TEX29: variants seen among roughly 807,000 people sequenced by gnomAD.
TEX29 encodes the protein testis-expressed protein 29.
A neutral mutation model predicts 18.2 loss-of-function variants in TEX29; 26 were observed. That is an observed-to-expected ratio of 1.43 (90% CI 1.04 to 1.98). The LOEUF is 1.98. Among genes scored for constraint, TEX29 ranks in the 30% most tolerant of loss-of-function variants. The pLI, the probability that TEX29 is intolerant of heterozygous loss-of-function variation, is 0.00. For missense variants in TEX29, 177 were observed against 194.2 expected (o/e 0.91, Z 0.53); for synonymous variants, 83 against 78.5 (o/e 1.06, Z -0.31).
At chr13:111,340,088 C>G (rs553227303) in intron 4 of TEX29, among the ~76,000 whole-genome samples, 156 bp downstream of exon 4, 3 of 152,262 alleles carry the variant, frequency 2.0e-5, no homozygotes, top group Admixed American at 1.3e-4. Flanking sequence ...TGGCCAGGCT[C>G]ACGGAGGGCC....
chr13:111,323,412 C>T (rs1012499778), intron 2 of TEX29, among the ~76,000 whole-genome samples: 3 of 152,236 alleles, frequency 2.0e-5, no homozygotes, highest in Admixed American at 1.3e-4. Flanking sequence ...GATACAGCCT[C>T]GGCTGCTGCC....
chr13:111,323,835 C>T (rs2093668628), intron 2 of TEX29, among the ~76,000 whole-genome samples: 1 of 152,234 alleles, frequency 6.6e-6, no homozygotes, highest in Non-Finnish European at 1.5e-5. Flanking sequence ...CTCCCTGAAC[C>T]TGCTGTGATC....
chr13:111,317,671 C>T (rs2093656824), upstream of TEX29, among the ~76,000 whole-genome samples: 1 of 152,224 alleles, frequency 6.6e-6, no homozygotes, highest in African/African-American at 2.4e-5. Flanking sequence ...ACAGCAGCAC[C>T]GACATGGCGC....
intron 3 of TEX29, among the ~76,000 whole-genome samples, chr13:111,334,779 G>T (rs1041151802): frequency 3.3e-5 from 5 of 152,232 alleles, no homozygotes; most frequent in Non-Finnish European, 7.3e-5. Context: ...AATGAGCTCA[G>T]ATCAAATAAA....
At chr13:111,343,720 C>T (rs78324141) in intron 5 of TEX29, among the ~76,000 whole-genome samples, 5 of 152,262 alleles carry the variant, frequency 3.3e-5, no homozygotes, top group Non-Finnish European at 5.9e-5. Flanking sequence ...CTTGGCTTTA[C>T]AGGGACCATC....
At position 111,344,206 on chromosome 13, in the gene TEX29, A is replaced by G. The variant is rs1039016086; in HGVS notation, c.*83A>G. On this transcript the variant is annotated 3_prime_UTR_variant, in exon 6 of 6. Coordinates refer to ENST00000283547, the MANE Select transcript of TEX29 (RefSeq NM_152324.3). Reference sequence around the variant, plus strand: ...GGTGCACTGTTAACAGTGTGATGGAATGACCACCCAAAGAGAAAAAAATAA... The same window carrying G: ...GGTGCACTGTTAACAGTGTGATGGAGTGACCACCCAAAGAGAAAAAAATAA... The G allele has an allele frequency of 5.3e-6, 6 of 1,138,494 alleles. No individual in the cohort carries two copies. The African/African-American group carries it at 7.8e-5, about 15-fold the overall frequency. The allele number at this position is 1,138,494 out of a possible 1,614,324, so 70.5% of individuals were successfully genotyped here.
chr13:111,344,053 A>T lies in TEX29; in HGVS notation c.416-30A>T, dbSNP rs762650326. ...CGGGACTGCTGAATATTCCATTTGA[A>T]AAAACAATTCTTCTTTTCTAAAAAT... is the stretch of plus-strand genomic sequence containing the variant. On this transcript the variant is annotated intron_variant, in intron 5 of 5. Coordinates refer to ENST00000283547, the MANE Select transcript of TEX29 (RefSeq NM_152324.3). The T allele has an allele frequency of 3.1e-6, 5 of 1,593,118 alleles. No individual in the cohort carries two copies. The East Asian group carries it at 1.1e-4, about 36-fold the overall frequency.
intron 1 of TEX29, 42 bp from the exon 2 acceptor site, chr13:111,320,815 G>A (rs767463670): frequency 2.3e-5 from 37 of 1,596,400 alleles, no homozygotes; most frequent in African/African-American, 2.7e-5. Flanking sequence ...CCCAAACGAC[G>A]TCCCCAGGGC....
At position 111,320,680 on chromosome 13, in the gene TEX29, T is replaced by G; in HGVS notation, c.-117T>G. The G allele has an allele frequency of 1.6e-6, 1 of 621,000 alleles. No individual in the cohort carries two copies. 38.5% of individuals were successfully genotyped at this position (621,000 alleles called of 1,614,324 possible). On this transcript the variant is annotated 5_prime_UTR_variant, in exon 1 of 6. Coordinates refer to ENST00000283547, the MANE Select transcript of TEX29 (RefSeq NM_152324.3). ...GACAGAGGGGTGGCCAGTTTGTTGTTTTACCTAAAAGGTGTTTTCCACGTG... is the reference window on the plus strand; with the variant it reads ...GACAGAGGGGTGGCCAGTTTGTTGTGTTACCTAAAAGGTGTTTTCCACGTG...
rs1235750432 is a variant in TEX29 at position 111,342,898 on chromosome 13, C to T, written c.382C>T (p.Pro128Ser). The change falls in exon 5 of 6, where the codon CCC (proline) becomes TCC (serine). Residue 128 changes from proline (P) to serine (S), a missense_variant. Coordinates refer to ENST00000283547, the MANE Select transcript of TEX29 (RefSeq NM_152324.3). ...GAGTCCTGGGCCTCCAAGTGCTGGG[C>T]CCTCGATGAAGAGTGACGAGGATAA... ...PASPGPPSAG[P>S]SMKSDEDKDD... The T allele has an allele frequency of 5.0e-6, 8 of 1,614,144 alleles. No individual in the cohort carries two copies. In the East Asian group the frequency reaches 6.7e-5, roughly 13 times the overall value.
intron 3 of TEX29, chr13:111,339,362 G>C (rs1567164430): frequency 6.6e-6 from 3 of 455,088 alleles, no homozygotes; most frequent in Non-Finnish European, 4.4e-6. Flanking sequence ...AGCAGGAACA[G>C]AGGGGCCAGC....
chr13:111,320,143 C>T (rs910484071), upstream of TEX29, among the ~76,000 whole-genome samples: 4 of 152,252 alleles, frequency 2.6e-5, no homozygotes, highest in African/African-American at 9.6e-5. Flanking sequence ...TGGAGGCCGC[C>T]TGCCCACCCT....
chr13:111,325,601 G>C (rs1408835555), intron 2 of TEX29, among the ~76,000 whole-genome samples: 2 of 152,156 alleles, frequency 1.3e-5, no homozygotes, highest in East Asian at 3.9e-4. Context: ...GGAGGGCCGG[G>C]CTAGGAATGG....
upstream of TEX29, among the ~76,000 whole-genome samples, chr13:111,319,193 G>A (rs1463789678): frequency 6.6e-5 from 10 of 152,272 alleles, no homozygotes; most frequent in Non-Finnish European, 1.0e-4. Context: ...TCTTCCCAGC[G>A]TGTGACCCGG....
At chr13:111,332,395 G>T (rs1398191840) in intron 3 of TEX29, among the ~76,000 whole-genome samples, 2 of 151,904 alleles carry the variant, frequency 1.3e-5, no homozygotes, top group African/African-American at 4.8e-5. Flanking sequence ...CTTGTATCTG[G>T]CAACCTTGTT....
Position 111,320,735 on chromosome 13 carries a change from G to A in TEX29, c.-62G>A, listed in dbSNP as rs1242936856. The A allele has an allele frequency of 3.6e-6, 3 of 843,396 alleles. No individual in the cohort carries two copies. The highest frequency in any genetic ancestry group is 6.0e-6 in the Non-Finnish European group (3 of 499,258). The allele number at this position is 843,396 out of a possible 1,614,324, so 52.2% of individuals were successfully genotyped here. The stretch of plus-strand genomic sequence containing the variant: ...GGGACTGAGAGGCACAGGTGGCTGA[G>A]GGGACCCGCCTGGGATGTGAGGCGC... On this transcript the variant is annotated 5_prime_UTR_variant, in exon 1 of 6. Transcript: ENST00000283547.
At chr13:111,335,523 A>T (rs1224967412) in intron 3 of TEX29, among the ~76,000 whole-genome samples, 1 of 152,180 alleles carries the variant, frequency 6.6e-6, no homozygotes, top group Non-Finnish European at 1.5e-5. Flanking sequence ...TTGTTGTGTG[A>T]AATTGAGGTT....
intron 2 of TEX29, among the ~76,000 whole-genome samples, chr13:111,326,867 C>A (rs1190692088): frequency 6.6e-6 from 1 of 152,120 alleles, no homozygotes; most frequent in Non-Finnish European, 1.5e-5. Context: ...AATTGCACTC[C>A]AGGAAAAAGG....
At chr13:111,336,840 G>A (rs1306270525) in intron 3 of TEX29, among the ~76,000 whole-genome samples, 2 of 152,212 alleles carry the variant, frequency 1.3e-5, no homozygotes, top group African/African-American at 2.4e-5. Flanking sequence ...GCATCATTGA[G>A]GTTGAGTCTC....
Sources: allele counts gnomAD v4.1 joint callset (sites outside exome capture counted in the v4.1 genomes callset), GRCh38; gene constraint gnomAD v4.1.1; transcripts MANE v1.5; gene names NCBI Gene and HGNC (gene_info 2026-07-23, HGNC 2026-07-21).